Variants in TCF12 observed in about 807,000 individuals in gnomAD.
The protein encoded by TCF12 is transcription factor 12.
A neutral mutation model predicts 86.0 loss-of-function variants in TCF12; 45 were observed. That is an observed-to-expected ratio of 0.52 (90% CI 0.41 to 0.67). The LOEUF (loss-of-function observed/expected upper bound fraction) is 0.67. Among genes scored for constraint, TCF12 ranks in the 30% least tolerant of loss-of-function variants. TCF12 has a pLI of 0.00. For missense variants in TCF12, 881 were observed against 859.9 expected, an observed-to-expected ratio of 1.02 and a Z score of -0.31; for synonymous variants, 330 against 299.6, an observed-to-expected ratio of 1.10 and a Z score of -1.05.
chr15:57,208,191 C>G (rs768792014), intron 8 of TCF12, among the ~76,000 whole-genome samples: 33 of 150,606 alleles, frequency 2.2e-4, no homozygotes, highest in Non-Finnish European at 3.3e-4. Flanking sequence ...TGCCACCACA[C>G]CCAGCTAATT....
intron 6 of TCF12, among the ~76,000 whole-genome samples, chr15:57,175,338 A>C (rs1368113257): frequency 6.6e-6 from 1 of 152,178 alleles, no homozygotes; most frequent in Non-Finnish European, 1.5e-5. Flanking sequence ...AGCCTGGGTG[A>C]CAGAGCGAGA....
In TCF12 at chr15:57,162,054, C is replaced by CG. The variant is rs1234230208; in HGVS notation, c.326-4347dup. Among the ~76,000 whole-genome samples, 4 of 152,138 alleles carry CG rather than the reference C, an allele frequency of 2.6e-5. No homozygotes were observed. The East Asian group carries it at 5.8e-4, about 22-fold the overall frequency. ...CGATACCTATACACACTCACACCCC[C>CG]GCAACACAAGAGTGTAGTAAAAACC... On this transcript the variant is annotated intron_variant, in intron 5 of 20. Transcript: ENST00000333725.
At chr15:57,067,773 A>G (rs1880196185) in intron 4 of TCF12, among the ~76,000 whole-genome samples, 1 of 152,176 alleles carries the variant, frequency 6.6e-6, no homozygotes, top group African/African-American at 2.4e-5. Flanking sequence ...ACATGAACAT[A>G]TAGATAGAAT....
At chr15:57,007,799 T>G (rs2064505857) in intron 3 of TCF12, among the ~76,000 whole-genome samples, 1 of 137,874 alleles carries the variant, frequency 7.3e-6, no homozygotes, top group African/African-American at 2.7e-5. Flanking sequence ...TCTCTCTTTC[T>G]TTCTTTCTTT....
intron 14 of TCF12, 138 bp from the exon 15 acceptor site, chr15:57,252,283 T>G: frequency 1.6e-6 from 1 of 617,532 alleles, no homozygotes; most frequent in Non-Finnish European, 2.8e-6. Flanking sequence ...TTTCATATCT[T>G]AATAAAATAG....
chr15:56,974,473 A>G (rs1276164318), intron 3 of TCF12, among the ~76,000 whole-genome samples: 1 of 152,136 alleles, frequency 6.6e-6, no homozygotes, highest in Non-Finnish European at 1.5e-5. Flanking sequence ...AAAATTTTAA[A>G]AATAAAAAGA....
chr15:57,075,955 C>T (rs1275145660), intron 4 of TCF12, among the ~76,000 whole-genome samples: 2 of 150,698 alleles, frequency 1.3e-5, no homozygotes, highest in South Asian at 2.1e-4. Context: ...CATTGAACCC[C>T]TGGGTTCAGG....
At chr15:56,979,941 A>G (rs1411778333) in intron 3 of TCF12, among the ~76,000 whole-genome samples, 2 of 152,270 alleles carry the variant, frequency 1.3e-5, no homozygotes, top group South Asian at 2.1e-4. Flanking sequence ...TTGTGTCTGT[A>G]TTGTATTTCC....
chr15:57,008,312 T>A (rs2064598517), intron 3 of TCF12, among the ~76,000 whole-genome samples: 1 of 152,102 alleles, frequency 6.6e-6, no homozygotes, highest in African/African-American at 2.4e-5. Context: ...TCTTAATTTT[T>A]TAAAAAATTG....
At chr15:57,143,827 A>C (rs2053168099) in intron 5 of TCF12, among the ~76,000 whole-genome samples, 1 of 152,138 alleles carries the variant, frequency 6.6e-6, no homozygotes, top group Admixed American at 6.5e-5. Flanking sequence ...GTAAAAATAA[A>C]TGGGTCTTTA....
At chr15:57,083,457 A>G (rs535647807) in intron 4 of TCF12, among the ~76,000 whole-genome samples, 14 of 152,308 alleles carry the variant, frequency 9.2e-5, no homozygotes, top group South Asian at 6.2e-4. Context: ...GAGAAATAAT[A>G]TATCTTTTAG....
Position 57,197,798 on chromosome 15 carries a change from A to G in TCF12, c.552A>G (p.Arg184=). The part of the protein sequence containing the change: ...ALDPLQAKKV[R]KVPPGLPSSV... Reference sequence around the variant, plus strand: ...ATCCCTTGCAAGCAAAAAAAGTCAGAAAGGTGCCTCCTGGTTTGCCTTCTT... The same window carrying G: ...ATCCCTTGCAAGCAAAAAAAGTCAGGAAGGTGCCTCCTGGTTTGCCTTCTT... Residue 184 remains arginine, a synonymous_variant, in exon 8 of 21, where the codon AGA becomes AGG. Coordinates refer to ENST00000333725, the MANE Select transcript of TCF12 (RefSeq NM_207037.2). The G allele has an allele frequency of 6.8e-6, 11 of 1,614,076 alleles. No homozygotes were observed. The highest frequency in any genetic ancestry group is 2.2e-5 in the East Asian group (1 of 44,860).
At chr15:57,149,675 G>A (rs764998525) in intron 5 of TCF12, among the ~76,000 whole-genome samples, 14 of 152,140 alleles carry the variant, frequency 9.2e-5, no homozygotes, top group Admixed American at 2.0e-4. Flanking sequence ...TCGCTGAGTA[G>A]GATGTTTTTA....
chr15:57,203,074 A>G (rs1458661336), intron 8 of TCF12, among the ~76,000 whole-genome samples: 1 of 152,258 alleles, frequency 6.6e-6, no homozygotes, highest in Non-Finnish European at 1.5e-5. Context: ...ACCTGTGTAT[A>G]TAATGTATGT....
At chr15:56,930,130 G>T (rs776979808) in intron 3 of TCF12, among the ~76,000 whole-genome samples, 1 of 152,326 alleles carries the variant, frequency 6.6e-6, no homozygotes, top group South Asian at 2.1e-4. Flanking sequence ...GTGAGTGAAT[G>T]TGCTGCTGCT....
chr15:57,224,589 G>A (rs2058778798), intron 8 of TCF12, among the ~76,000 whole-genome samples: 2 of 152,026 alleles, frequency 1.3e-5, no homozygotes, highest in African/African-American at 4.8e-5. Context: ...TGCTTTGTAT[G>A]AAAACTAGAA....
intron 8 of TCF12, among the ~76,000 whole-genome samples, chr15:57,199,942 C>T (rs1257522149): frequency 1.3e-5 from 2 of 151,854 alleles, no homozygotes; most frequent in East Asian, 1.9e-4. Context: ...AGTGCAGTGA[C>T]ACAGTCACTG....
chr15:57,085,750 T>G (rs1289494521), intron 4 of TCF12, among the ~76,000 whole-genome samples: 1 of 152,232 alleles, frequency 6.6e-6, no homozygotes, highest in Non-Finnish European at 1.5e-5. Flanking sequence ...TTCCATTTTA[T>G]TAATATTTCA....
upstream of TCF12, chr15:56,918,129 G>T: frequency 2.2e-6 from 1 of 446,768 alleles, no homozygotes; most frequent in Admixed American, 2.4e-5. Context: ...CTCCACACGC[G>T]CGGTGTCTGC....
Sources: gnomAD v4.1 joint callset for allele counts (sites outside exome capture counted in the v4.1 genomes callset) on GRCh38, gnomAD v4.1.1 for gene constraint, MANE v1.5 for transcripts, NCBI Gene and HGNC (gene_info 2026-07-23, HGNC 2026-07-21) for gene names.